LANCL1: variants seen among roughly 807,000 people sequenced by gnomAD.
LANCL1 encodes glutathione S-transferase LANCL1.
In LANCL1, 50 loss-of-function variants were observed where a neutral mutation model predicts 50.6. That is an observed-to-expected ratio of 0.99 (90% confidence interval 0.79 to 1.25). The LOEUF (loss-of-function observed/expected upper bound fraction) is 1.25, where lower values mean the gene tolerates loss of function less well. Ranked by LOEUF, LANCL1 falls within the 50% of genes most tolerant of loss-of-function variation. The probability of loss-of-function intolerance (pLI) is 0.00; values close to 1 mark genes in which losing one functional copy is unlikely to be tolerated. For missense variants in LANCL1, 532 were observed against 480.7 expected (o/e 1.11, Z -1.00); for synonymous variants, 188 against 178.6 (o/e 1.05, Z -0.42).
At chr2:210,455,066 AATG>A (rs767276775) in intron 4 of LANCL1, 38 bp downstream of exon 4, 2 of 1,526,068 alleles carry the variant, frequency 1.3e-6, no homozygotes, top group Admixed American at 3.4e-5. Flanking sequence ...ATTAATGCAT[AATG>A]ATGCTAGAAA....
At chr2:210,468,555 A>G (rs1694137505) in intron 3 of LANCL1, 1 of 152,242 alleles carries the variant, frequency 6.6e-6, no homozygotes, top group Non-Finnish European at 1.5e-5. Flanking sequence ...AACAAGAGTG[A>G]CTACGTGACT....
chr2:210,453,159 C>G (rs1214207515), intron 4 of LANCL1, among the ~76,000 whole-genome samples: 1 of 152,128 alleles, frequency 6.6e-6, no homozygotes, highest in African/African-American at 2.4e-5. Flanking sequence ...TTAACCTTAA[C>G]AAGCCTACTG....
Position 210,455,237 on chromosome 2 carries a change from T to G in LANCL1, c.277A>C (p.Lys93Gln), listed in dbSNP as rs369885403. 2.5e-6 allele frequency: 4 copies of G among 1,613,038 alleles called. No individual in the cohort carries two copies. The highest frequency in any genetic ancestry group is 3.4e-6 in the Non-Finnish European group (4 of 1,179,748). The change falls in exon 4 of 10, where the codon AAG becomes CAG. Residue 93 changes from lysine to glutamine, a missense_variant. Transcript: ENST00000450366. ...TTGGTTAAGCAGTTCAGACTTTGCT[T>G]TACATAGCCATGTGCTAACTGTAGG... ...AYLQLAHGYVKQSLNCLTKRS... is the reference protein window; with the variant it reads ...AYLQLAHGYVQQSLNCLTKRS...
At chr2:210,435,759 T>G (rs1467966846) in intron 8 of LANCL1, among the ~76,000 whole-genome samples, 1 of 152,200 alleles carries the variant, frequency 6.6e-6, no homozygotes, top group Non-Finnish European at 1.5e-5. Context: ...TTTAAAGGAA[T>G]GCTAATTTAA....
chr2:210,453,036 CA>C (rs1426401508), intron 4 of LANCL1, among the ~76,000 whole-genome samples: 8 of 151,996 alleles, frequency 5.3e-5, no homozygotes, highest in African/African-American at 1.9e-4. Flanking sequence ...CCGTAACTTA[CA>C]AATCATTCCA....
At chr2:210,467,720 TGTTAAGG>T (rs1694108886) in intron 3 of LANCL1, among the ~76,000 whole-genome samples, 1 of 152,212 alleles carries the variant, frequency 6.6e-6, no homozygotes, top group Non-Finnish European at 1.5e-5. Flanking sequence ...AACTGCACAT[TGTTAAGG>T]GTCAACTTTA....
chr2:210,441,965 C>T (rs1693152211), intron 4 of LANCL1, among the ~76,000 whole-genome samples: 4 of 151,338 alleles, frequency 2.6e-5, no homozygotes, highest in Admixed American at 1.3e-4. Context: ...AGTGCAATGG[C>T]GTGATCTCGG....
Position 210,460,849 on chromosome 2 carries a change from G to A in LANCL1, c.200-5535C>T, listed in dbSNP as rs1461884956. 2.6e-5 allele frequency: 4 copies of A among 152,108 alleles called. No individual in the cohort carries two copies. The East Asian group carries it at 5.8e-4, about 22-fold the overall frequency. 9.4% of individuals were successfully genotyped at this position (152,108 alleles called of 1,614,324 possible). On this transcript the variant is annotated intron_variant, in intron 3 of 9. Coordinates refer to ENST00000450366, the MANE Select transcript of LANCL1 (RefSeq NM_006055.3). ...TTTAATAATATTGCCCCAAACAAAT[G>A]AGTAAAACAGAGAATAAAGAGGGCA...
chr2:210,451,966 A>T (rs936477332), intron 4 of LANCL1, among the ~76,000 whole-genome samples: 1 of 152,176 alleles, frequency 6.6e-6, no homozygotes, highest in Non-Finnish European at 1.5e-5. Context: ...TATATAAAAT[A>T]CGTAAAATAA....
intron 4 of LANCL1, among the ~76,000 whole-genome samples, chr2:210,454,156 A>C (rs1219696433): frequency 6.6e-6 from 1 of 152,004 alleles, no homozygotes; most frequent in Non-Finnish European, 1.5e-5. Flanking sequence ...GGAAAAAGTT[A>C]GTTACAATAA....
At chr2:210,451,492 C>T (rs1048649854) in intron 4 of LANCL1, among the ~76,000 whole-genome samples, 1 of 151,970 alleles carries the variant, frequency 6.6e-6, no homozygotes, top group Non-Finnish European at 1.5e-5. Flanking sequence ...AAAGTAGAAG[C>T]ATAAGCAATG....
At chr2:210,441,163 C>G in intron 5 of LANCL1, 145 bp downstream of exon 5, 1 of 789,146 alleles carries the variant, frequency 1.3e-6, no homozygotes, top group Non-Finnish European at 2.0e-6. Flanking sequence ...GCTATTGGTT[C>G]TTGGACTGTG....
At chr2:210,446,109 G>A (rs1221780884) in intron 4 of LANCL1, among the ~76,000 whole-genome samples, 2 of 152,168 alleles carry the variant, frequency 1.3e-5, no homozygotes, top group Non-Finnish European at 2.9e-5. Flanking sequence ...CTCGAGCTCT[G>A]CTGAGGGAAA....
At chr2:210,465,195 C>T (rs890175501) in intron 3 of LANCL1, among the ~76,000 whole-genome samples, 2 of 152,196 alleles carry the variant, frequency 1.3e-5, no homozygotes, top group African/African-American at 4.8e-5. Context: ...TGCTTGAGAT[C>T]ATTATCTCTG....
In LANCL1 at chr2:210,434,159, A is replaced by T. The variant is rs1486081522; in HGVS notation, c.*328T>A. The T allele has an allele frequency of 2.1e-5, 4 of 188,582 alleles. No individual in the cohort carries two copies. Among genetic ancestry groups the T allele is most frequent in the Non-Finnish European group, 4.3e-5 (4 of 92,392 alleles). 11.7% of individuals were successfully genotyped at this position (188,582 alleles called of 1,614,324 possible). On this transcript the variant is annotated 3_prime_UTR_variant, in exon 10 of 10. Coordinates refer to ENST00000450366, the MANE Select transcript of LANCL1 (RefSeq NM_006055.3). ...AGTTTCTTTTAAACATTTTTAGAACAGTAACAGATGGTTATATTCATAAAC... is the reference window on the plus strand; with the variant it reads ...AGTTTCTTTTAAACATTTTTAGAACTGTAACAGATGGTTATATTCATAAAC...
Position 210,455,163 on chromosome 2 carries a change from G to C in LANCL1, c.351C>G (p.Ala117=). The change falls in exon 4 of 10, where the codon GCC becomes GCG. Residue 117 remains alanine (A), a synonymous_variant. Coordinates refer to ENST00000450366, the MANE Select transcript of LANCL1 (RefSeq NM_006055.3). The stretch of plus-strand genomic sequence containing the variant: ...TGTTCATCTTGTGATATAGCACAGC[G>C]GCCACTGCCAGGGGGCCTGCATCCC... ...LCGDAGPLAV[A]AVLYHKMNNE... is the part of the protein sequence containing the mutation. 1.2e-6 allele frequency: 2 copies of C among 1,613,682 alleles called. No individual in the cohort carries two copies. Among genetic ancestry groups the C allele is most frequent in the Non-Finnish European group, 1.7e-6 (2 of 1,179,744 alleles).
At chr2:210,466,895 A>C (rs962519651) in intron 3 of LANCL1, among the ~76,000 whole-genome samples, 1 of 152,186 alleles carries the variant, frequency 6.6e-6, no homozygotes, top group Non-Finnish European at 1.5e-5. Context: ...AGTGTGCATG[A>C]CTTCACAGGC....
Position 210,455,219 on chromosome 2 carries a change from A to G in LANCL1, c.295T>C (p.Leu99=), listed in dbSNP as rs141844820. The G allele has an allele frequency of 8.2e-4, 1,325 of 1,613,718 alleles. 1 individual carries two copies. Among genetic ancestry groups the G allele is most frequent in the Admixed American group, 1.1e-3 (64 of 59,942 alleles). ...HGYVKQSLNC[L]TKRSITFLCG... ...AGGAAGGTGATGGAGCGCTTGGTTA[A>G]GCAGTTCAGACTTTGCTTTACATAG... is the stretch of plus-strand genomic sequence containing the variant. Residue 99 remains leucine (L), a synonymous_variant, in exon 4 of 10, where the codon TTA becomes CTA. Coordinates refer to ENST00000450366, the MANE Select transcript of LANCL1 (RefSeq NM_006055.3).
chr2:210,434,400 T>C lies in LANCL1; in HGVS notation c.*87A>G. 1 of 970,160 alleles carries C rather than the reference T, an allele frequency of 1.0e-6. No individual in the cohort carries two copies. Among genetic ancestry groups the C allele is most frequent in the Non-Finnish European group, 1.6e-6 (1 of 642,804 alleles). 60.1% of individuals were successfully genotyped at this position (970,160 alleles called of 1,614,324 possible). ...TCAAGTCCACAGTTTGACTCTTTGT[T>C]TCCTTGGAAAGCAACGGAAGCACTT... is the stretch of plus-strand genomic sequence containing the variant. On this transcript the variant is annotated 3_prime_UTR_variant, in exon 10 of 10. Transcript: ENST00000450366.
Sources: gnomAD v4.1 joint callset for allele counts (sites outside exome capture counted in the v4.1 genomes callset) on GRCh38, gnomAD v4.1.1 for gene constraint, MANE v1.5 for transcripts, NCBI Gene and HGNC (gene_info 2026-07-23, HGNC 2026-07-21) for gene names.